ADAM10: variants seen among roughly 807,000 people sequenced by gnomAD.
ADAM10 encodes the protein disintegrin and metalloproteinase domain-containing protein 10.
ADAM10 carries 17 observed loss-of-function variants against 90.1 expected under a neutral mutation model. The ratio of observed to expected loss-of-function variants is 0.19; its 90% CI spans 0.13 to 0.28. The LOEUF is 0.28. Ranked by LOEUF, ADAM10 falls within the 10% of genes least tolerant of loss-of-function variation. ADAM10 has a pLI of 1.00. For missense variants in ADAM10, 610 were observed against 914.3 expected (o/e 0.67, Z 4.29); for synonymous variants, 310 against 298.6 (o/e 1.04, Z -0.40).
chr15:58,666,394 A>G (rs1342519836), intron 4 of ADAM10, among the ~76,000 whole-genome samples: 1 of 151,768 alleles, frequency 6.6e-6, no homozygotes, highest in Non-Finnish European at 1.5e-5. Flanking sequence ...AGTCTCATTC[A>G]AAAGTCATGA....
In ADAM10 at chr15:58,727,176, CTTTTTTTTTTT is replaced by C. The variant is rs779017607; in HGVS notation, c.56-9460_56-9450del. On this transcript the variant is annotated intron_variant, in intron 1 of 15. Coordinates refer to ENST00000260408, the MANE Select transcript of ADAM10 (RefSeq NM_001110.4). ...CACCACCATGCCATGCCTGACTAAT[CTTTTTTTTTTT>C]TTTTTTTTTTTTTTTTTTCCCAAAA... 2.7e-4 allele frequency among the ~76,000 whole-genome samples: 21 copies of C among 78,008 alleles called. 1 individual carries two copies. The highest frequency in any genetic ancestry group is 8.1e-4 in the African/African-American group (15 of 18,448). The allele number at this position is 78,008 out of a possible 152,430, so 51.2% of individuals were successfully genotyped here.
rs1169379813 is a variant in ADAM10 at position 58,665,108 on chromosome 15, C to T, written c.574G>A (p.Glu192Lys). 1.2e-6 allele frequency: 2 copies of T among 1,610,534 alleles called. No homozygotes were observed. Among genetic ancestry groups the T allele is most frequent in the East Asian group, 2.2e-5 (1 of 44,824 alleles). ...MRKYQMTGVE[E>K]VTQIPQEEHA... The stretch of plus-strand genomic sequence containing the variant: ...GTTAAAATCCTTACCTGTGTTACTT[C>T]CTCTACACCAGTCATCTGGTATTTC... Residue 192 changes from glutamate (E) to lysine (K), a missense_variant, in exon 5 of 16, where the codon GAA (glutamate) becomes AAA (lysine). By Grantham distance (56) the Glu-to-Lys change is moderately conservative (BLOSUM62 1). This residue lies in a region of ADAM10 where 310 missense variants were observed against 362.4 expected (regional missense o/e 0.86). Coordinates refer to ENST00000260408, the MANE Select transcript of ADAM10 (RefSeq NM_001110.4).
chr15:58,698,028 G>A (rs191859721), intron 2 of ADAM10, among the ~76,000 whole-genome samples: 2 of 152,108 alleles, frequency 1.3e-5, no homozygotes, highest in South Asian at 2.1e-4. Context: ...AAAAGCCCTC[G>A]CCTCAGAAAG....
intron 1 of ADAM10, among the ~76,000 whole-genome samples, chr15:58,739,435 T>C (rs1595670743): frequency 6.6e-6 from 1 of 151,616 alleles, no homozygotes; most frequent in African/African-American, 2.4e-5. Context: ...AAGAACGGCA[T>C]GAACCTGGGA....
intron 5 of ADAM10, among the ~76,000 whole-genome samples, chr15:58,647,417 C>T (rs1289266912): frequency 2.0e-5 from 3 of 151,678 alleles, no homozygotes; most frequent in Non-Finnish European, 4.4e-5. Flanking sequence ...CCTGCCACCA[C>T]ACCTGGCTAA....
At chr15:58,687,421 T>C (rs1368908834) in intron 2 of ADAM10, among the ~76,000 whole-genome samples, 1 of 152,166 alleles carries the variant, frequency 6.6e-6, no homozygotes, top group Non-Finnish European at 1.5e-5. Context: ...AAAACTAACA[T>C]AAAAACATTA....
At chr15:58,719,347 T>C (rs900425525) in intron 1 of ADAM10, among the ~76,000 whole-genome samples, 21 of 152,186 alleles carry the variant, frequency 1.4e-4, no homozygotes, top group African/African-American at 5.1e-4. Context: ...AAATTGTCTT[T>C]CTGTATTTTT....
At chr15:58,600,087 T>A (rs1895067991) in intron 14 of ADAM10, among the ~76,000 whole-genome samples, 1 of 151,000 alleles carries the variant, frequency 6.6e-6, no homozygotes. Context: ...AAATATTTTC[T>A]GGTTTAAATA....
rs1015990473 is a variant in ADAM10 at position 58,596,086 on chromosome 15, T to C, written c.*1461A>G. ...AATGATTGTGTAAACCTTATACTCT[T>C]AAAAAAAAAAAGGAAAAAAAAAAAC... On this transcript the variant is annotated 3_prime_UTR_variant, in exon 16 of 16. Transcript: ENST00000260408. 1 of 132,526 alleles carries C rather than the reference T, an allele frequency of 7.5e-6. No homozygotes were observed. The highest frequency in any genetic ancestry group is 2.4e-4 in the South Asian group (1 of 4,120). The allele number at this position is 132,526 out of a possible 1,614,324, so 8.2% of individuals were successfully genotyped here.
At chr15:58,709,182 G>C (rs1414126681) in intron 2 of ADAM10, among the ~76,000 whole-genome samples, 2 of 152,034 alleles carry the variant, frequency 1.3e-5, no homozygotes, top group Non-Finnish European at 2.9e-5. Flanking sequence ...TAAAATCCTT[G>C]CTGCACCTTT....
intron 5 of ADAM10, among the ~76,000 whole-genome samples, chr15:58,655,730 T>TA (rs1228899285): frequency 9.1e-6 from 1 of 110,110 alleles, no homozygotes; most frequent in Non-Finnish European, 1.8e-5. Flanking sequence ...TATATATATA[T>TA]ATATATATAT....
intron 4 of ADAM10, among the ~76,000 whole-genome samples, chr15:58,676,595 T>C (rs1262803367): frequency 6.6e-6 from 1 of 152,202 alleles, no homozygotes; most frequent in Non-Finnish European, 1.5e-5. Context: ...AAAAGAATGA[T>C]ATTTTATGTC....
rs1423758416 is a variant in ADAM10 at position 58,593,754 on chromosome 15, T to C, written c.*3793A>G. The C allele has an allele frequency of 6.6e-6, 1 of 152,240 alleles. No homozygotes were observed. Among genetic ancestry groups the C allele is most frequent in the African/African-American group, 2.4e-5 (1 of 41,456 alleles). 9.4% of individuals were successfully genotyped at this position (152,240 alleles called of 1,614,324 possible). A position where few individuals can be genotyped will look rare whatever the true frequency, so the allele number is the denominator to read the frequency against. ...CAATGCTCCGTTTTACCTAGCATCCTGTTGCTTTTTATAGAAGAGATGCTC... is the reference window on the plus strand; with the variant it reads ...CAATGCTCCGTTTTACCTAGCATCCCGTTGCTTTTTATAGAAGAGATGCTC... On this transcript the variant is annotated 3_prime_UTR_variant, in exon 16 of 16. Transcript: ENST00000260408.
intron 9 of ADAM10, chr15:58,629,281 T>C (rs773451222): frequency 2.0e-5 from 3 of 152,240 alleles, no homozygotes; most frequent in African/African-American, 7.2e-5. Flanking sequence ...TTTTAAATGA[T>C]AGCAAATCTT....
At chr15:58,606,724 C>T (rs542636848) in intron 14 of ADAM10, among the ~76,000 whole-genome samples, 16 of 152,132 alleles carry the variant, frequency 1.1e-4, no homozygotes, top group Admixed American at 3.9e-4. Flanking sequence ...ACTATTAGCA[C>T]GCACCATCAC....
chr15:58,699,179 A>G (rs374812000), intron 2 of ADAM10, among the ~76,000 whole-genome samples: 5 of 152,324 alleles, frequency 3.3e-5, no homozygotes, highest in African/African-American at 1.2e-4. Flanking sequence ...CCTGGCAGCC[A>G]AGATTACACC....
chr15:58,704,316 A>G (rs931474166), intron 2 of ADAM10, among the ~76,000 whole-genome samples: 7 of 152,172 alleles, frequency 4.6e-5, no homozygotes, highest in African/African-American at 1.7e-4. Context: ...AGGGAGAGAA[A>G]AATGGGGAGT....
At chr15:58,693,721 G>T (rs1199112588) in intron 2 of ADAM10, among the ~76,000 whole-genome samples, 1 of 148,378 alleles carries the variant, frequency 6.7e-6, no homozygotes, top group South Asian at 2.1e-4. Context: ...TCATTAAAAG[G>T]GCTTCTTAAA....
chr15:58,625,822 TAAA>T (rs1210905665), intron 10 of ADAM10, among the ~76,000 whole-genome samples: 2 of 152,006 alleles, frequency 1.3e-5, no homozygotes, highest in African/African-American at 4.8e-5. Context: ...TACTCAGAAA[TAAA>T]AAAGAACGAA....
Sources: allele counts gnomAD v4.1 joint callset (sites outside exome capture counted in the v4.1 genomes callset), GRCh38; gene constraint gnomAD v4.1.1; regional missense constraint gnomAD v4.1.1; transcripts MANE v1.5; gene names NCBI Gene and HGNC (gene_info 2026-07-23, HGNC 2026-07-21).